The following NF1 variants were observed in gnomAD, a reference collection of about 807,000 sequenced individuals.
The protein encoded by NF1 is neurofibromin 1.
Under a neutral mutation model 325.7 loss-of-function variants are expected in NF1, and 122 were observed. The ratio of observed to expected loss-of-function variants is 0.37; its 90% confidence interval spans 0.32 to 0.44. NF1 has a LOEUF of 0.44. Ranked by LOEUF, NF1 falls within the 20% of genes least tolerant of loss-of-function variation. NF1 has a pLI of 1.00. For synonymous variants in NF1, 1,091 were observed against 1,186.0 expected (o/e 0.92, Z 1.65); for missense variants, 2,140 against 3,415.4 (o/e 0.63, Z 9.31).
chr17:31,307,971 G>A, intron 36 of NF1: 2 of 1,245,658 alleles, frequency 1.6e-6, no homozygotes, highest in South Asian at 1.3e-5. Context: ...TGTTTTAGTA[G>A]AAGAAAAGAT....
At chr17:31,145,655 T>TG (rs973820700) in intron 1 of NF1, among the ~76,000 whole-genome samples, 1 of 152,094 alleles carries the variant, frequency 6.6e-6, no homozygotes, top group African/African-American at 2.4e-5. Flanking sequence ...AGTAGGAGCC[T>TG]GGGGGGCCTA....
At chr17:31,167,158 G>A (rs2065859904) in intron 4 of NF1, among the ~76,000 whole-genome samples, 1 of 152,122 alleles carries the variant, frequency 6.6e-6, no homozygotes, top group Non-Finnish European at 1.5e-5. Context: ...AACCACAAGA[G>A]TCAACTTTTC....
chr17:31,247,876 G>A (rs778091381), intron 29 of NF1, among the ~76,000 whole-genome samples: 51 of 152,280 alleles, frequency 3.3e-4, no homozygotes, highest in Non-Finnish European at 5.3e-4. Context: ...GATGAAAGTT[G>A]CCTTTTGTTA....
intron 57 of NF1, 105 bp from the exon 58 acceptor site, chr17:31,373,908 A>G: frequency 7.0e-7 from 1 of 1,437,348 alleles, no homozygotes; most frequent in South Asian, 1.2e-5. Flanking sequence ...TCGCCTAATG[A>G]TTGTTTCCTA....
chr17:31,357,322 A>C lies in NF1; in HGVS notation c.7923A>C (p.Glu2641Asp). Reference protein sequence around the residue: ...TDEFDQRILYEYLAEASVVFP... With the variant: ...TDEFDQRILYDYLAEASVVFP... Reference sequence around the variant, plus strand: ...AGTTTGATCAACGAATTCTTTATGAATACTTAGCAGAGGCCAGTGTTGTGT... The same window carrying C: ...AGTTTGATCAACGAATTCTTTATGACTACTTAGCAGAGGCCAGTGTTGTGT... Residue 2641 changes from glutamate (E) to aspartate (D), a missense_variant, in exon 54 of 58, where the codon GAA (glutamate) becomes GAC (aspartate). Around this residue, in one of 10 missense-constraint regions of NF1, gnomAD observed 522 missense variants for 749.0 expected, o/e 0.70. Coordinates refer to ENST00000358273, the MANE Select transcript of NF1 (RefSeq NM_001042492.3). The C allele has an allele frequency of 6.2e-7, 1 of 1,614,034 alleles. No homozygotes were observed.
rs774781617 is a variant in NF1, at chr17:31,357,002, G to C, written c.7781G>C (p.Arg2594Pro). ...TCATCACAACAGCACCCACATTTAC[G>C]TAAAGTTTCAGTGTCTGAATCAAAT... ...ISSSQQHPHL[R>P]KVSVSESNVL... is the part of the protein sequence containing the mutation. The change falls in exon 53 of 58, where the codon CGT becomes CCT. Residue 2594 changes from arginine (R) to proline (P), a missense_variant. By Grantham distance (103) the Arg-to-Pro change is moderately radical. Coordinates refer to ENST00000358273, the MANE Select transcript of NF1 (RefSeq NM_001042492.3). 1 of 1,613,892 alleles carries C rather than the reference G, an allele frequency of 6.2e-7. No homozygotes were observed. Among genetic ancestry groups the C allele is most frequent in the Non-Finnish European group, 8.5e-7 (1 of 1,179,928 alleles).
At chr17:31,324,368 G>A (rs1307240924) in intron 36 of NF1, among the ~76,000 whole-genome samples, 1 of 151,650 alleles carries the variant, frequency 6.6e-6, no homozygotes, top group Non-Finnish European at 1.5e-5. Context: ...TGCCCTGCCT[G>A]TATGTGTGAT....
chr17:31,287,416 T>G (rs1178214691), intron 36 of NF1, among the ~76,000 whole-genome samples: 1 of 152,260 alleles, frequency 6.6e-6, no homozygotes, highest in Non-Finnish European at 1.5e-5. Context: ...AAACTTTATG[T>G]CATGCTCTGC....
chr17:31,112,084 A>G (rs545956835), intron 1 of NF1, among the ~76,000 whole-genome samples: 43 of 152,260 alleles, frequency 2.8e-4, no homozygotes, highest in African/African-American at 7.5e-4. Context: ...AGTTTTCTCC[A>G]GCCTCCTTAT....
rs975936282 is a variant in NF1, at chr17:31,113,200, A to G, written c.60+17831A>G. Among the ~76,000 whole-genome samples the G allele has an allele frequency of 3.3e-5, 5 of 152,030 alleles. No homozygotes were observed. In the East Asian group the frequency reaches 9.6e-4, roughly 29 times the overall value. On this transcript the variant is annotated intron_variant, in intron 1 of 57. Transcript: ENST00000358273. ...TAACAGGTATTGTTTTTTAGTTTCA[A>G]TTTTTGATTGTTGCTAATATATAGA...
chr17:31,304,531 A>T (rs769962397), intron 36 of NF1: 1 of 1,614,190 alleles, frequency 6.2e-7, no homozygotes, highest in East Asian at 2.2e-5. Flanking sequence ...TACAATTGTC[A>T]TTGTGGGTTT....
intron 36 of NF1, 140 bp downstream of exon 36, chr17:31,265,479 A>G (rs1480055579): frequency 1.5e-6 from 1 of 649,404 alleles, no homozygotes; most frequent in African/African-American, 1.8e-5. Context: ...AGCAGGGTAA[A>G]TAGCCTGCGT....
At chr17:31,269,459 C>T (rs564300925) in intron 36 of NF1, among the ~76,000 whole-genome samples, 3 of 152,244 alleles carry the variant, frequency 2.0e-5, no homozygotes, top group Non-Finnish European at 4.4e-5. Flanking sequence ...AATGATGATA[C>T]ATTTACATTA....
At position 31,225,083 on chromosome 17, in the gene NF1, A is replaced by T. The variant is rs188510882; in HGVS notation, c.1846-12A>T. The T allele has an allele frequency of 2.1e-4, 340 of 1,612,664 alleles. 1 individual carries two copies. The African/African-American group carries it at 3.9e-3, about 18-fold the overall frequency. ...GTGCTTCAGTAAAGCTTATTTATTT[A>T]TTTTTTTCTAGCAGGCAGATAGAAG... On this transcript the variant is annotated splice_polypyrimidine_tract_variant and intron_variant, in intron 16 of 57. Transcript: ENST00000358273.
At chr17:31,137,605 C>T (rs957889312) in intron 1 of NF1, 1 of 152,034 alleles carries the variant, frequency 6.6e-6, no homozygotes, top group Non-Finnish European at 1.5e-5. Context: ...CAGCTATCAT[C>T]CTGTGTTCTC....
chr17:31,310,421 T>G, intron 36 of NF1, among the ~76,000 whole-genome samples: 1 of 144,496 alleles, frequency 6.9e-6, no homozygotes. Context: ...GTAGGCAAAA[T>G]GAAGTTGGGG....
At chr17:31,298,608 C>T (rs1329308031) in intron 36 of NF1, among the ~76,000 whole-genome samples, 2 of 151,904 alleles carry the variant, frequency 1.3e-5, no homozygotes, top group Non-Finnish European at 2.9e-5. Flanking sequence ...TTTAAGAGTC[C>T]GCAACATAGA....
chr17:31,232,844 C>T lies in NF1; in HGVS notation c.3459C>T (p.Leu1153=), dbSNP rs2151434787. The change falls in exon 26 of 58, where the codon CTC becomes CTT. Residue 1153 remains leucine, a synonymous_variant. Coordinates refer to ENST00000358273, the MANE Select transcript of NF1 (RefSeq NM_001042492.3). The part of the protein sequence containing the change: ...HCTVLAMSNL[L]NANVDSGLMH... ...CGGTCCTTGCAATGTCAAACTTACTCAATGCCAACGTAGACAGTGGTCTCA... is the reference window on the plus strand; with the variant it reads ...CGGTCCTTGCAATGTCAAACTTACTTAATGCCAACGTAGACAGTGGTCTCA... 6.2e-7 allele frequency: 1 copy of T among 1,614,058 alleles called. No individual in the cohort carries two copies. Among genetic ancestry groups the T allele is most frequent in the Non-Finnish European group, 8.5e-7 (1 of 1,180,004 alleles).
At position 31,123,112 on chromosome 17, in the gene NF1, A is replaced by T. The variant is rs113203102; in HGVS notation, c.60+27743A>T. On this transcript the variant is annotated intron_variant, in intron 1 of 57. Coordinates refer to ENST00000358273, the MANE Select transcript of NF1 (RefSeq NM_001042492.3). The stretch of plus-strand genomic sequence containing the variant: ...TTGCCATTCAAAAACTGTTTTCTCA[A>T]TCCCATGAAGGAGATGAAGCCTACA... Among the ~76,000 whole-genome samples, 1,255 of 152,268 alleles carry T rather than the reference A, an allele frequency of 8.2e-3. 26 individuals are homozygous for T. Among genetic ancestry groups the T allele is most frequent in the African/African-American group, 0.029 (1,197 of 41,530 alleles).
Sources: allele counts gnomAD v4.1 joint callset (sites outside exome capture counted in the v4.1 genomes callset), GRCh38; gene constraint gnomAD v4.1.1; regional missense constraint gnomAD v4.1.1; transcripts MANE v1.5; gene names NCBI Gene and HGNC (gene_info 2026-07-23, HGNC 2026-07-21).